PPHLN1: variants seen among roughly 807,000 people sequenced by gnomAD.
The protein encoded by PPHLN1 is periphilin 1, also known as periphilin-1.
Under a neutral mutation model 51.3 loss-of-function variants are expected in PPHLN1, and 29 were observed. That is an observed-to-expected ratio of 0.57 (90% CI 0.42 to 0.77). The LOEUF is 0.77. Ranked by LOEUF, PPHLN1 falls within the 30% of genes least tolerant of loss-of-function variation. The probability of loss-of-function intolerance (pLI) is 0.00; values close to 1 mark genes in which losing one functional copy is unlikely to be tolerated. For missense variants in PPHLN1, 436 were observed against 438.4 expected (o/e 0.99, Z 0.05); for synonymous variants, 147 against 147.8 (o/e 0.99, Z 0.04).
At chr12:42,368,432 G>A (rs1196051260) in intron 4 of PPHLN1, among the ~76,000 whole-genome samples, 1 of 152,140 alleles carries the variant, frequency 6.6e-6, no homozygotes, top group Non-Finnish European at 1.5e-5. Flanking sequence ...ATGATGAAAA[G>A]ACTAAAACCT....
At chr12:42,351,029 G>A (rs1171174967) in intron 2 of PPHLN1, among the ~76,000 whole-genome samples, 1 of 151,910 alleles carries the variant, frequency 6.6e-6, no homozygotes, top group African/African-American at 2.4e-5. Context: ...AAGAGGGAGA[G>A]GGTTTTGTTT....
chr12:42,416,707 T>G (rs1796373), intron 9 of PPHLN1, among the ~76,000 whole-genome samples: 45,107 of 152,130 alleles, frequency 0.3, 7,764 homozygotes, highest in Non-Finnish European at 0.38. Context: ...CACTAACCAC[T>G]CAGAGTTAGT....
At chr12:42,437,987 G>T (rs1317264781) in intron 9 of PPHLN1, among the ~76,000 whole-genome samples, 8 of 151,914 alleles carry the variant, frequency 5.3e-5, no homozygotes, top group African/African-American at 9.7e-5. Flanking sequence ...AGATTCTTTC[G>T]TGTCATTTTG....
rs938833252 is a variant in PPHLN1 at position 42,351,735 on chromosome 12, T to C, written c.73-150T>C. The C allele has an allele frequency of 1.7e-5, 9 of 522,340 alleles. No homozygotes were observed. In the African/African-American group the frequency reaches 1.8e-4, roughly 10 times the overall value. 32.4% of individuals were successfully genotyped at this position (522,340 alleles called of 1,614,324 possible). A position where few individuals can be genotyped will look rare whatever the true frequency, so the allele number is the denominator to read the frequency against. On this transcript the variant is annotated intron_variant, in intron 2 of 9. Coordinates refer to ENST00000358314, the MANE Select transcript of PPHLN1 (RefSeq NM_201439.2). ...TTTAATCCATGTGAAGACCTTAGTA[T>C]TAGTTATATTTATGTTATTTCATTA...
intron 1 of PPHLN1, among the ~76,000 whole-genome samples, chr12:42,333,852 C>G (rs1327256767): frequency 6.6e-6 from 1 of 152,128 alleles, no homozygotes; most frequent in Non-Finnish European, 1.5e-5. Context: ...TTTTGCAGAG[C>G]TTTTGGATGA....
chr12:42,412,972 A>G (rs2080012812), intron 9 of PPHLN1, among the ~76,000 whole-genome samples: 1 of 151,974 alleles, frequency 6.6e-6, no homozygotes, highest in South Asian at 2.1e-4. Context: ...GGAGATGATT[A>G]TTATTTTTTC....
In PPHLN1 at chr12:42,430,277, T is replaced by TCACA. The variant is rs141544668; in HGVS notation, c.910-11022_910-11019dup. On this transcript the variant is annotated intron_variant, in intron 9 of 9. Coordinates refer to ENST00000358314, the MANE Select transcript of PPHLN1 (RefSeq NM_201439.2). ...CTGACACAGACACACACCCCTACAG[T>TCACA]CACACACACACACACACACCCTTAC... Among the ~76,000 whole-genome samples, 427 of 148,946 alleles carry TCACA rather than the reference T, an allele frequency of 2.9e-3. 14 individuals carry two copies. In the East Asian group the frequency reaches 0.058, roughly 20 times the overall value.
In PPHLN1 at chr12:42,357,920, G is replaced by A. The variant is rs182359143; in HGVS notation, c.299+2698G>A. On this transcript the variant is annotated intron_variant, in intron 4 of 9. Transcript: ENST00000358314. The stretch of plus-strand genomic sequence containing the variant: ...AAATCTCTGTCTCTCATTCCACTAT[G>A]TCCATATGTACACATTATTTAGCTT... Among the ~76,000 whole-genome samples the A allele has an allele frequency of 1.1e-3, 174 of 152,082 alleles. 1 individual carries two copies. In the South Asian group the frequency reaches 0.029, roughly 25 times the overall value.
At chr12:42,438,897 C>T (rs139322245) in intron 9 of PPHLN1, among the ~76,000 whole-genome samples, 4 of 152,304 alleles carry the variant, frequency 2.6e-5, no homozygotes, top group East Asian at 1.9e-4. Context: ...CCACTGCGCC[C>T]GGCCCTCTTA....
At chr12:42,347,138 G>C (rs2072464663) in intron 2 of PPHLN1, 2 of 152,224 alleles carry the variant, frequency 1.3e-5, no homozygotes, top group Non-Finnish European at 2.9e-5. Flanking sequence ...ATGCCAATCA[G>C]CTATTGGCTA....
Position 42,418,667 on chromosome 12 carries a change from T to C in PPHLN1, c.909+19673T>C, listed in dbSNP as rs577528661. The stretch of plus-strand genomic sequence containing the variant: ...TTCTCTCTCTGGCCTCTGCTAAATG[T>C]CACCCTTTCCCTAAAATTTTTCTTT... On this transcript the variant is annotated intron_variant, in intron 9 of 9. Transcript: ENST00000358314. Among the ~76,000 whole-genome samples the C allele has an allele frequency of 5.3e-4, 81 of 152,316 alleles. 1 individual carries two copies. The highest frequency in any genetic ancestry group is 1.8e-3 in the African/African-American group (76 of 41,572).
chr12:42,365,205 G>A (rs139783853), intron 4 of PPHLN1, among the ~76,000 whole-genome samples: 178 of 152,274 alleles, frequency 1.2e-3, no homozygotes, highest in African/African-American at 4.2e-3. Context: ...ATTTGAGGTT[G>A]TACTTCACTT....
downstream of PPHLN1, chr12:42,447,619 T>A (rs918140326): frequency 1.3e-5 from 2 of 152,238 alleles, no homozygotes; most frequent in African/African-American, 2.4e-5. Context: ...AAAACTCATG[T>A]TTGTTATTAC....
At chr12:42,346,268 A>G (rs1378923039) in intron 2 of PPHLN1, among the ~76,000 whole-genome samples, 8 of 151,350 alleles carry the variant, frequency 5.3e-5, no homozygotes, top group African/African-American at 1.2e-4. Flanking sequence ...TTCATCCTCT[A>G]TCTCTGTGTA....
At chr12:42,419,235 G>C (rs552938240) in intron 9 of PPHLN1, among the ~76,000 whole-genome samples, 6 of 152,102 alleles carry the variant, frequency 3.9e-5, no homozygotes, top group Admixed American at 3.3e-4. Flanking sequence ...TAAATGCTTA[G>C]AGCATGTTTT....
At chr12:42,337,781 A>AT (rs763469714) in intron 2 of PPHLN1, among the ~76,000 whole-genome samples, 235 of 117,998 alleles carry the variant, frequency 2.0e-3, no homozygotes, top group Middle Eastern at 4.4e-3. Flanking sequence ...ATTTTATTTT[A>AT]TTTATTTATT....
At chr12:42,392,638 G>A (rs922864709) in intron 7 of PPHLN1, among the ~76,000 whole-genome samples, 2 of 152,152 alleles carry the variant, frequency 1.3e-5, no homozygotes, top group African/African-American at 4.8e-5. Context: ...ATTTGTGCTT[G>A]ACAATTCATA....
At chr12:42,413,526 ATGTGTGTG>A (rs71084648) in intron 9 of PPHLN1, among the ~76,000 whole-genome samples, 18,984 of 136,424 alleles carry the variant, frequency 0.14, 1,297 homozygotes, top group Admixed American at 0.2. Context: ...ATATATGTAT[ATGTGTGTG>A]TGTGTGTGTG....
intron 5 of PPHLN1, among the ~76,000 whole-genome samples, chr12:42,377,189 A>G: frequency 6.6e-6 from 1 of 151,968 alleles, no homozygotes; most frequent in Admixed American, 6.6e-5. Context: ...AGCACACCCC[A>G]GGGAAGCCAA....
Sources: gnomAD v4.1 joint callset for allele counts (sites outside exome capture counted in the v4.1 genomes callset) on GRCh38, gnomAD v4.1.1 for gene constraint, MANE v1.5 for transcripts, NCBI Gene and HGNC (gene_info 2026-07-23, HGNC 2026-07-21) for gene names.